Variants in CCDC38 observed in about 807,000 individuals in gnomAD.
The protein encoded by CCDC38 is coiled-coil domain containing 38, also known as coiled-coil domain-containing protein 38.
Under a neutral mutation model 72.8 loss-of-function variants are expected in CCDC38, and 69 were observed. The ratio of observed to expected loss-of-function variants is 0.95; its 90% CI spans 0.78 to 1.16. CCDC38 has a LOEUF of 1.16. CCDC38 is among the 50% of genes most tolerant of loss of function. The pLI, the probability that CCDC38 is intolerant of heterozygous loss-of-function variation, is 0.00. For missense variants in CCDC38, 626 were observed against 638.9 expected (o/e 0.98, Z 0.22); for synonymous variants, 201 against 213.2 (o/e 0.94, Z 0.50).
intron 4 of CCDC38, among the ~76,000 whole-genome samples, chr12:95,911,025 T>A (rs926950709): frequency 6.6e-6 from 1 of 152,172 alleles, no homozygotes; most frequent in African/African-American, 2.4e-5. Flanking sequence ...AACAGCATGG[T>A]ACTGGTACAA....
intron 11 of CCDC38, among the ~76,000 whole-genome samples, chr12:95,880,761 G>A (rs1272762151): frequency 6.6e-6 from 1 of 152,100 alleles, no homozygotes; most frequent in Non-Finnish European, 1.5e-5. Flanking sequence ...AATACTGAGT[G>A]ATTCCACTTA....
chr12:95,896,340 G>A lies in CCDC38; in HGVS notation c.615-1194C>T, dbSNP rs186347390. ...AAGCTTTTGCCCAGCTTCACATTGC[G>A]TTATAGTAATTACATTACAAAGTGG... On this transcript the variant is annotated intron_variant, in intron 7 of 15. Coordinates refer to ENST00000344280, the MANE Select transcript of CCDC38 (RefSeq NM_182496.3). Among the ~76,000 whole-genome samples the A allele has an allele frequency of 4.0e-4, 61 of 152,208 alleles. No individual in the cohort carries two copies. In the East Asian group the frequency reaches 4.8e-3, roughly 12 times the overall value.
chr12:95,897,506 T>A (rs2079902348), intron 7 of CCDC38, among the ~76,000 whole-genome samples: 1 of 147,552 alleles, frequency 6.8e-6, no homozygotes, highest in Non-Finnish European at 1.5e-5. Flanking sequence ...GCTACTCAAG[T>A]GGCTGAGGCA....
chr12:95,878,016 A>C (rs1227394313), intron 13 of CCDC38, among the ~76,000 whole-genome samples, 195 bp downstream of exon 13: 1 of 152,236 alleles, frequency 6.6e-6, no homozygotes, highest in East Asian at 1.9e-4. Flanking sequence ...CCCAATGCCA[A>C]TTTGAATGCT....
rs1374793885 is a variant in CCDC38 at position 95,879,006 on chromosome 12, T to C, written c.1142+638A>G. ...ATTGCCATCTTCTGGCCCAGAAAAC[T>C]GTTCTGAGAAAAGGTTCTACACATT... On this transcript the variant is annotated intron_variant, in intron 12 of 15. Coordinates refer to ENST00000344280, the MANE Select transcript of CCDC38 (RefSeq NM_182496.3). This position sits in a 1 kb window ranked among gnomAD's most constrained non-coding sequence, Gnocchi z 5.5. Among the ~76,000 whole-genome samples the C allele has an allele frequency of 1.3e-5, 2 of 152,194 alleles. No individual in the cohort carries two copies. The highest frequency in any genetic ancestry group is 2.9e-5 in the Non-Finnish European group (2 of 68,036).
chr12:95,923,475 C>G (rs796524326), intron 2 of CCDC38, among the ~76,000 whole-genome samples: 32 of 152,218 alleles, frequency 2.1e-4, no homozygotes, highest in African/African-American at 7.2e-4. Flanking sequence ...CCCCAATCAG[C>G]CTTCTCTTCT....
intron 4 of CCDC38, among the ~76,000 whole-genome samples, chr12:95,915,387 G>A (rs1161636643): frequency 6.6e-6 from 1 of 152,194 alleles, no homozygotes; most frequent in East Asian, 1.9e-4. Context: ...CAGGTGTTGT[G>A]CTTTGAGAGC....
chr12:95,867,997 A>G (rs557024024), intron 15 of CCDC38, among the ~76,000 whole-genome samples: 1 of 152,306 alleles, frequency 6.6e-6, no homozygotes, highest in African/African-American at 2.4e-5. Context: ...TTTCCCCATC[A>G]TTGTAACAAC....
At chr12:95,896,968 T>C (rs1378329835) in intron 7 of CCDC38, among the ~76,000 whole-genome samples, 1 of 152,230 alleles carries the variant, frequency 6.6e-6, no homozygotes, top group Admixed American at 6.5e-5. Context: ...TATAAATGGA[T>C]AGAAACTTCT....
At chr12:95,881,585 T>G (rs767959606) in intron 10 of CCDC38, 31 bp from the exon 11 acceptor site, 2 of 1,575,854 alleles carry the variant, frequency 1.3e-6, no homozygotes, top group East Asian at 2.3e-5. Context: ...AGAAAATGTC[T>G]GATTTGTGAG....
rs2079544330 is a variant in CCDC38 at position 95,868,220 on chromosome 12, GT to G, written c.1579-1032del. On this transcript the variant is annotated intron_variant, in intron 15 of 15. Coordinates refer to ENST00000344280, the MANE Select transcript of CCDC38 (RefSeq NM_182496.3). ...TTTCCCCCAATTTTTTCCAGTTTTA[GT>G]TTTTATGCTCATTTTTAGTCTGTTA... 3.3e-5 allele frequency among the ~76,000 whole-genome samples: 5 copies of G among 152,030 alleles called. No homozygotes were observed. In the South Asian group the frequency reaches 1.0e-3, roughly 32 times the overall value.
chr12:95,884,300 A>G (rs2079733457), intron 10 of CCDC38, among the ~76,000 whole-genome samples: 1 of 152,256 alleles, frequency 6.6e-6, no homozygotes, highest in Non-Finnish European at 1.5e-5. Context: ...ATGGACACCA[A>G]AATACAAAGT....
intron 2 of CCDC38, chr12:95,919,776 C>G (rs2080184438): frequency 2.8e-6 from 1 of 360,464 alleles, no homozygotes; most frequent in South Asian, 2.1e-5. Flanking sequence ...AGCCACTACC[C>G]TTAGGGAGAG....
chr12:95,935,826 C>A lies in CCDC38; in HGVS notation c.37+647G>T, dbSNP rs186260728. On this transcript the variant is annotated intron_variant, in intron 2 of 15. Coordinates refer to ENST00000344280, the MANE Select transcript of CCDC38 (RefSeq NM_182496.3). ...GGGCATGATAGCTCATGCCTGTAAT[C>A]CCAGGTCTTTGGGAGGCCGAGGTGG... Among the ~76,000 whole-genome samples, 50 of 152,286 alleles carry A rather than the reference C, an allele frequency of 3.3e-4. 1 individual carries two copies. In the East Asian group the frequency reaches 9.7e-3, roughly 29 times the overall value.
chr12:95,907,429 C>A (rs541063299), intron 4 of CCDC38, among the ~76,000 whole-genome samples: 1 of 114,662 alleles, frequency 8.7e-6, no homozygotes, highest in Non-Finnish European at 1.7e-5. Flanking sequence ...ACCTCCCGGA[C>A]GGGGCGGCTG....
At chr12:95,877,611 A>T (rs116708452) in intron 13 of CCDC38, among the ~76,000 whole-genome samples, 2 of 152,230 alleles carry the variant, frequency 1.3e-5, no homozygotes, top group Non-Finnish European at 2.9e-5. Flanking sequence ...TTCAACAAAC[A>T]TTTATTGAGC....
chr12:95,890,099 A>G (rs995725337), intron 9 of CCDC38, among the ~76,000 whole-genome samples: 2 of 151,922 alleles, frequency 1.3e-5, no homozygotes, highest in African/African-American at 4.8e-5. Flanking sequence ...TTTGGCAGAT[A>G]TGGGTTTTTT....
At chr12:95,918,132 GGAAA>G (rs748070043) in intron 3 of CCDC38, among the ~76,000 whole-genome samples, 3 of 152,054 alleles carry the variant, frequency 2.0e-5, no homozygotes, top group East Asian at 1.9e-4. Flanking sequence ...TTTTACCTCT[GGAAA>G]GAAAGAAAGT....
chr12:95,928,523 C>G (rs1206073142), intron 2 of CCDC38, among the ~76,000 whole-genome samples: 3 of 152,194 alleles, frequency 2.0e-5, no homozygotes, highest in Non-Finnish European at 2.9e-5. Flanking sequence ...TCATCTGAAG[C>G]CTTCTTCTCT....
Sources: allele counts gnomAD v4.1 joint callset (sites outside exome capture counted in the v4.1 genomes callset), GRCh38; gene constraint gnomAD v4.1.1; non-coding constraint Gnocchi (gnomAD v3.1); transcripts MANE v1.5; gene names NCBI Gene and HGNC (gene_info 2026-07-23, HGNC 2026-07-21).